Variants in PCDHAC2 observed in about 807,000 individuals in gnomAD.
PCDHAC2 encodes protocadherin alpha subfamily C, 2, also known as protocadherin alpha-C2.
PCDHAC2 carries 24 observed loss-of-function variants against 63.3 expected under a neutral mutation model. That is an observed-to-expected ratio of 0.38 (90% CI 0.27 to 0.53). PCDHAC2 has a LOEUF of 0.53. PCDHAC2 is among the 20% of genes least tolerant of loss of function. The pLI is 0.81. For missense variants in PCDHAC2, 1,181 were observed against 1,275.2 expected (o/e 0.93, Z 1.12); for synonymous variants, 569 against 529.4 (o/e 1.07, Z -1.03).
At chr5:140,984,405 C>T (rs782109046) in intron 3 of PCDHAC2, among the ~76,000 whole-genome samples, 1 of 152,114 alleles carries the variant, frequency 6.6e-6, no homozygotes, top group Non-Finnish European at 1.5e-5. Context: ...GAGAACCTAT[C>T]TTTTTTACAG....
chr5:140,968,994 G>A lies in PCDHAC2; in HGVS notation c.2228G>A (p.Gly743Glu). 6.2e-7 allele frequency: 1 copy of A among 1,614,216 alleles called. No individual in the cohort carries two copies. The highest frequency in any genetic ancestry group is 8.5e-7 in the Non-Finnish European group (1 of 1,180,038). The change falls in exon 1 of 4, where the codon GGA (glycine) becomes GAA (glutamate). Residue 743 changes from glycine to glutamate, a missense_variant. By Grantham distance (98) the Gly-to-Glu change is moderately conservative. Around this residue, in one of 3 missense-constraint regions of PCDHAC2, gnomAD observed 968 missense variants for 1,073.5 expected, o/e 0.90. Transcript: ENST00000289269. ...ACTGCGTATGGCACTGCATGCTGTG[G>A]AGGCTTCTGTGGAGTAAGGGAAAGG... ...RYTAYGTACC[G>E]GFCGVRERSP...
In PCDHAC2 at chr5:141,010,190, C is replaced by T. The variant is rs868983471; in HGVS notation, c.*253C>T. On this transcript the variant is annotated 3_prime_UTR_variant, in exon 4 of 4. Coordinates refer to ENST00000289269, the MANE Select transcript of PCDHAC2 (RefSeq NM_018899.6). ...GAACCTAAAAAGCAGACCCAAGTTT[C>T]CTTTCTCCTCCGCCGCAAAGGAGAG... The T allele has an allele frequency of 6.4e-7, 1 of 1,552,504 alleles. No homozygotes were observed. Among genetic ancestry groups the T allele is most frequent in the Non-Finnish European group, 8.7e-7 (1 of 1,147,234 alleles).
At chr5:141,002,449 C>G (rs2098081029) in intron 3 of PCDHAC2, among the ~76,000 whole-genome samples, 1 of 152,192 alleles carries the variant, frequency 6.6e-6, no homozygotes, top group African/African-American at 2.4e-5. Flanking sequence ...ATAATTGGCA[C>G]ATTTGTATAA....
chr5:141,010,291 G>A lies in PCDHAC2; in HGVS notation c.*354G>A. ...GGATCCTGTCTTGATGACACTTGCA[G>A]GGCAGGCTGAAAAGTTTTGAGATTG... On this transcript the variant is annotated 3_prime_UTR_variant, in exon 4 of 4. Coordinates refer to ENST00000289269, the MANE Select transcript of PCDHAC2 (RefSeq NM_018899.6). 1.3e-6 allele frequency: 2 copies of A among 1,549,990 alleles called. No individual in the cohort carries two copies. The highest frequency in any genetic ancestry group is 1.2e-5 in the South Asian group (1 of 83,762).
intron 3 of PCDHAC2, among the ~76,000 whole-genome samples, chr5:140,998,180 A>C (rs2097799784): frequency 6.6e-6 from 1 of 152,122 alleles, no homozygotes; most frequent in East Asian, 1.9e-4. Context: ...TATTCTAAGC[A>C]CTTTACAAGT....
intron 3 of PCDHAC2, among the ~76,000 whole-genome samples, chr5:140,991,929 C>T (rs1250639930): frequency 1.3e-5 from 2 of 152,088 alleles, no homozygotes; most frequent in South Asian, 2.1e-4. Flanking sequence ...ATAACATATT[C>T]ACAAGTTCTA....
At chr5:141,005,556 G>T (rs62384513) in intron 3 of PCDHAC2, among the ~76,000 whole-genome samples, 1 of 151,476 alleles carries the variant, frequency 6.6e-6, no homozygotes, top group South Asian at 2.1e-4. Flanking sequence ...ACAAAAATTA[G>T]CCGGGCATGG....
At chr5:141,004,657 G>A (rs565994909) in intron 3 of PCDHAC2, among the ~76,000 whole-genome samples, 1 of 152,262 alleles carries the variant, frequency 6.6e-6, no homozygotes, top group Admixed American at 6.5e-5. Context: ...TGGGCTCTGA[G>A]GGCAACTAAA....
chr5:140,985,955 G>A (rs1284756138), intron 3 of PCDHAC2, among the ~76,000 whole-genome samples: 1 of 151,674 alleles, frequency 6.6e-6, no homozygotes, highest in Non-Finnish European at 1.5e-5. Flanking sequence ...TAGCCAGGAT[G>A]GTCTCAATCT....
chr5:140,999,338 G>T (rs1451765927), intron 3 of PCDHAC2, among the ~76,000 whole-genome samples: 2 of 152,126 alleles, frequency 1.3e-5, no homozygotes, highest in African/African-American at 2.4e-5. Context: ...TGATTTATAA[G>T]CCTTGTCTCT....
intron 3 of PCDHAC2, among the ~76,000 whole-genome samples, chr5:140,984,824 C>T (rs920985683): frequency 6.6e-6 from 1 of 151,980 alleles, no homozygotes; most frequent in African/African-American, 2.4e-5. Flanking sequence ...TCTTAATTAC[C>T]CTTTCTGTAA....
chr5:140,985,975 G>A (rs2097182023), intron 3 of PCDHAC2, among the ~76,000 whole-genome samples: 2 of 152,148 alleles, frequency 1.3e-5, no homozygotes, highest in South Asian at 2.1e-4. Flanking sequence ...TCCTGACCTC[G>A]TGATCCGCCC....
At chr5:140,997,668 TTGTGTGTGTGTG>T (rs35184029) in intron 3 of PCDHAC2, among the ~76,000 whole-genome samples, 3 of 148,244 alleles carry the variant, frequency 2.0e-5, no homozygotes, top group South Asian at 2.2e-4. Context: ...ATTATACAGC[TTGTGTGTGTGTG>T]TGTGTGTGTG....
chr5:140,980,504 C>G (rs1440940887), intron 2 of PCDHAC2, among the ~76,000 whole-genome samples: 4 of 152,122 alleles, frequency 2.6e-5, no homozygotes, highest in Non-Finnish European at 5.9e-5. Flanking sequence ...ATGGCATGTG[C>G]CTGTAGTTCC....
rs199976895 is a variant in PCDHAC2 at position 140,968,276 on chromosome 5, G to T, written c.1510G>T (p.Val504Leu). The T allele has an allele frequency of 9.2e-5, 148 of 1,613,952 alleles. No homozygotes were observed. Among genetic ancestry groups the T allele is most frequent in the Admixed American group, 5.5e-4 (33 of 60,008 alleles). The change falls in exon 1 of 4, where the codon GTG becomes TTG. Residue 504 changes from valine (V) to leucine (L), a missense_variant. By Grantham distance (32) the Val-to-Leu change is conservative. Around this residue, in one of 3 missense-constraint regions of PCDHAC2, gnomAD observed 968 missense variants for 1,073.5 expected, o/e 0.90. Transcript: ENST00000289269. ...CCCAGATGAAAAGGAGAATGCAGAGGTGACCTACTCCCTTCTGGAGAGGGA... is the reference window on the plus strand; with the variant it reads ...CCCAGATGAAAAGGAGAATGCAGAGTTGACCTACTCCCTTCTGGAGAGGGA... ...TDPDEKENAE[V>L]TYSLLEREIQ...
intron 3 of PCDHAC2, among the ~76,000 whole-genome samples, chr5:140,996,819 C>T (rs1446677147): frequency 6.6e-6 from 1 of 152,142 alleles, no homozygotes; most frequent in East Asian, 1.9e-4. Context: ...CAAAAGTAAC[C>T]ACTACCAATA....
At position 141,005,728 on chromosome 5, in the gene PCDHAC2, A is replaced by T. The variant is rs574255915; in HGVS notation, c.2714-3899A>T. On this transcript the variant is annotated intron_variant, in intron 3 of 3. Coordinates refer to ENST00000289269, the MANE Select transcript of PCDHAC2 (RefSeq NM_018899.6). ...AAAAAAAAAAAAAAAAAAAAAAAAA[A>T]AAAGAATGGATGAGAAATCATTCAA... Among the ~76,000 whole-genome samples the T allele has an allele frequency of 1.3e-4, 19 of 150,362 alleles. No homozygotes were observed. The South Asian group carries it at 1.7e-3, about 13-fold the overall frequency.
chr5:140,969,672 A>C (rs1251717537), intron 1 of PCDHAC2, among the ~76,000 whole-genome samples: 2 of 152,198 alleles, frequency 1.3e-5, no homozygotes, highest in African/African-American at 4.8e-5. Context: ...TAATGTTATG[A>C]GACTCAAGGA....
rs113297104 is a variant in PCDHAC2 at position 140,984,945 on chromosome 5, CT to C, written c.2713+2392del. On this transcript the variant is annotated intron_variant, in intron 3 of 3. Transcript: ENST00000289269. The stretch of plus-strand genomic sequence containing the variant: ...GACATATAGTTAATAAATGTCTAAT[CT>C]TTTTTTTTTGAGACAGAGTCTCGCT... Among the ~76,000 whole-genome samples the C allele has an allele frequency of 9.4e-3, 1,407 of 149,276 alleles. 15 individuals are homozygous for C. Among genetic ancestry groups the C allele is most frequent in the East Asian group, 0.044 (226 of 5,092 alleles).
Sources: gnomAD v4.1 joint callset for allele counts (sites outside exome capture counted in the v4.1 genomes callset) on GRCh38, gnomAD v4.1.1 for gene constraint, gnomAD v4.1.1 regional missense constraint, MANE v1.5 for transcripts, NCBI Gene and HGNC (gene_info 2026-07-23, HGNC 2026-07-21) for gene names.